Variants in BAZ2B observed in about 807,000 individuals in gnomAD.
BAZ2B encodes the protein bromodomain adjacent to zinc finger domain 2B, also known as bromodomain adjacent to zinc finger domain protein 2B.
Under a neutral mutation model 246.0 loss-of-function variants are expected in BAZ2B, and 91 were observed. The observed-to-expected ratio is 0.37, with a 90% CI of 0.31 to 0.44. The LOEUF is 0.44. BAZ2B is among the 20% of genes least tolerant of loss of function. The probability of loss-of-function intolerance (pLI) is 1.00; values close to 1 mark genes in which losing one functional copy is unlikely to be tolerated. For missense variants in BAZ2B, 2,332 were observed against 2,533.7 expected (o/e 0.92, Z 1.71); for synonymous variants, 855 against 860.0 (o/e 0.99, Z 0.10).
intron 27 of BAZ2B, among the ~76,000 whole-genome samples, chr2:159,368,858 T>TAAAAAAAA (rs58161936): frequency 8.1e-6 from 1 of 123,866 alleles, no homozygotes; most frequent in Non-Finnish European, 1.6e-5. Flanking sequence ...CTGAAAGGCC[T>TAAAAAAAA]AAAAAAAAAA....
intron 6 of BAZ2B, among the ~76,000 whole-genome samples, chr2:159,443,651 A>G (rs928449982): frequency 2.0e-5 from 3 of 152,180 alleles, no homozygotes; most frequent in South Asian, 2.1e-4. Flanking sequence ...TTTTGAAATC[A>G]TAAGTTCTAG....
chr2:159,517,078 T>A (rs1186921513), intron 2 of BAZ2B, among the ~76,000 whole-genome samples: 2 of 152,122 alleles, frequency 1.3e-5, no homozygotes, highest in African/African-American at 4.8e-5. Flanking sequence ...TCAAAGCATG[T>A]CTATTTTTTT....
downstream of BAZ2B, among the ~76,000 whole-genome samples, chr2:159,316,654 T>A (rs565274780): frequency 1.7e-5 from 2 of 117,548 alleles, no homozygotes; most frequent in Non-Finnish European, 3.3e-5. Context: ...TGCACCACTG[T>A]ACTCCAGCCT....
Position 159,320,437 on chromosome 2 carries a change from T to G in BAZ2B, c.6354-19A>C, listed in dbSNP as rs755224224. On this transcript the variant is annotated intron_variant, in intron 36 of 36. Coordinates refer to ENST00000392783, the MANE Select transcript of BAZ2B (RefSeq NM_013450.4). Reference sequence around the variant, plus strand: ...TGGATACCTGAAAGAAAACAAATAATTAGAGATTGCGTTCATAGAGTGGAT... The same window carrying G: ...TGGATACCTGAAAGAAAACAAATAAGTAGAGATTGCGTTCATAGAGTGGAT... The G allele has an allele frequency of 6.5e-7, 1 of 1,534,790 alleles. No homozygotes were observed. The highest frequency in any genetic ancestry group is 1.3e-5 in the South Asian group (1 of 78,306).
the BAZ2B span, among the ~76,000 whole-genome samples, chr2:159,629,304 C>A: frequency 2.0e-5 from 3 of 152,102 alleles, no homozygotes; most frequent in African/African-American, 7.2e-5. Context: ...TACTATTTGA[C>A]CCAGCAATCT....
chr2:159,580,174 C>A (rs981207660), intron 1 of BAZ2B, among the ~76,000 whole-genome samples: 2 of 152,272 alleles, frequency 1.3e-5, no homozygotes, highest in African/African-American at 4.8e-5. Context: ...AAAACCCCAT[C>A]GTCTCAGCCC....
At chr2:159,631,557 T>C in the BAZ2B span, among the ~76,000 whole-genome samples, 4 of 152,216 alleles carry the variant, frequency 2.6e-5, no homozygotes, top group Admixed American at 1.3e-4. Context: ...TTATGAAAGA[T>C]TATTGGTGTC....
At chr2:159,636,309 G>A in the BAZ2B span, among the ~76,000 whole-genome samples, 2 of 152,142 alleles carry the variant, frequency 1.3e-5, no homozygotes, top group African/African-American at 2.4e-5. Context: ...CTGCCTCCCC[G>A]CTCCCACCTC....
chr2:159,366,626 A>G (rs2060243612), intron 27 of BAZ2B, among the ~76,000 whole-genome samples: 1 of 152,204 alleles, frequency 6.6e-6, no homozygotes, highest in Non-Finnish European at 1.5e-5. Flanking sequence ...ATCATGGGAA[A>G]CGCTGCCATT....
intron 1 of BAZ2B, among the ~76,000 whole-genome samples, chr2:159,562,105 A>G (rs992162173): frequency 3.9e-5 from 6 of 152,226 alleles, no homozygotes; most frequent in East Asian, 3.8e-4. Context: ...AAGAGGTATC[A>G]ATAATTACAC....
chr2:159,352,064 A>T (rs1013694428), intron 27 of BAZ2B, among the ~76,000 whole-genome samples: 3 of 152,176 alleles, frequency 2.0e-5, no homozygotes, highest in Non-Finnish European at 4.4e-5. Flanking sequence ...CCAAACTCCT[A>T]ACCAAGGCCT....
intron 29 of BAZ2B, 72 bp from the exon 30 acceptor site, chr2:159,348,905 AT>A: frequency 6.5e-7 from 1 of 1,537,654 alleles, no homozygotes; most frequent in Non-Finnish European, 8.8e-7. Context: ...AAATAAAAAG[AT>A]TTATTAACTA....
chr2:159,332,551 A>G lies in BAZ2B; in HGVS notation c.5932T>C (p.Cys1978Arg). 6.2e-7 allele frequency: 1 copy of G among 1,613,712 alleles called. No individual in the cohort carries two copies. Among genetic ancestry groups the G allele is most frequent in the African/African-American group, 1.3e-5 (1 of 75,038 alleles). Reference protein sequence around the residue: ...IPDGDWFCPACIAKASGQTLK... With the variant: ...IPDGDWFCPARIAKASGQTLK... ...TAGATTGGTCTTACCTTAGCAATGC[A>G]AGCTGGACAAAACCAGTCTCCATCT... is the stretch of plus-strand genomic sequence containing the variant. Residue 1978 changes from cysteine to arginine, a missense_variant, in exon 34 of 37, where the codon TGC becomes CGC. Physicochemically the swap from Cys to Arg is radical, Grantham distance 180. Transcript: ENST00000392783.
the BAZ2B span, among the ~76,000 whole-genome samples, chr2:159,699,227 C>T: frequency 2.6e-5 from 4 of 152,118 alleles, no homozygotes; most frequent in Non-Finnish European, 5.9e-5. Flanking sequence ...TAGGTTGCTC[C>T]AAGCACATCA....
chr2:159,465,609 A>G (rs2076935919), intron 3 of BAZ2B, among the ~76,000 whole-genome samples: 1 of 152,182 alleles, frequency 6.6e-6, no homozygotes, highest in Non-Finnish European at 1.5e-5. Flanking sequence ...CCACTGCAAA[A>G]AAGGCTAGAC....
At chr2:159,584,572 T>C (rs1687614289) in intron 1 of BAZ2B, among the ~76,000 whole-genome samples, 2 of 152,200 alleles carry the variant, frequency 1.3e-5, no homozygotes, top group African/African-American at 4.8e-5. Context: ...GTGGTGAGAA[T>C]TCAAATATAC....
intron 2 of BAZ2B, among the ~76,000 whole-genome samples, chr2:159,519,850 C>G (rs1466877357): frequency 1.9e-5 from 2 of 107,648 alleles, no homozygotes; most frequent in Non-Finnish European, 4.3e-5. Context: ...ATGAGTTCCT[C>G]TTTTCGTTGG....
At chr2:159,599,487 G>A (rs1054136299) in intron 1 of BAZ2B, among the ~76,000 whole-genome samples, 14 of 152,048 alleles carry the variant, frequency 9.2e-5, no homozygotes, top group African/African-American at 3.4e-4. Context: ...GTGTGGTGGT[G>A]CATGCCTGTG....
At chr2:159,603,071 A>C (rs538216167) in intron 1 of BAZ2B, among the ~76,000 whole-genome samples, 2 of 152,360 alleles carry the variant, frequency 1.3e-5, no homozygotes, top group Admixed American at 6.5e-5. Flanking sequence ...CAGCAGGCGG[A>C]GGTTGCAATG....
Sources: gnomAD v4.1 joint callset for allele counts (sites outside exome capture counted in the v4.1 genomes callset) on GRCh38, gnomAD v4.1.1 for gene constraint, MANE v1.5 for transcripts, NCBI Gene and HGNC (gene_info 2026-07-23, HGNC 2026-07-21) for gene names.